The following ASTN2 variants were observed in gnomAD, a reference collection of about 807,000 sequenced individuals.
ASTN2 encodes the protein astrotactin-2.
Under a neutral mutation model 139.8 loss-of-function variants are expected in ASTN2, and 54 were observed. That is an observed-to-expected ratio of 0.39 (90% CI 0.31 to 0.48). The LOEUF (loss-of-function observed/expected upper bound fraction) is 0.48, where lower values mean the gene tolerates loss of function less well. ASTN2 is among the 20% of genes least tolerant of loss of function. The pLI is 0.95. For synonymous variants in ASTN2, 756 were observed against 719.5 expected, an observed-to-expected ratio of 1.05 and a Z score of -0.81; for missense variants, 1,565 against 1,725.1, an observed-to-expected ratio of 0.91 and a Z score of 1.64.
chr9:116,876,733 G>T (rs1445098484), intron 10 of ASTN2, among the ~76,000 whole-genome samples: 2 of 152,102 alleles, frequency 1.3e-5, no homozygotes, highest in Non-Finnish European at 2.9e-5. Context: ...ATGACCATTA[G>T]CTTTTTTTTA....
chr9:117,308,587 G>A (rs965992630), intron 1 of ASTN2, among the ~76,000 whole-genome samples: 4 of 152,152 alleles, frequency 2.6e-5, no homozygotes, highest in African/African-American at 9.7e-5. Context: ...CCCTGGAAGA[G>A]GCCAAGTGCA....
chr9:116,775,200 G>A (rs1588282789), intron 13 of ASTN2, among the ~76,000 whole-genome samples: 1 of 151,974 alleles, frequency 6.6e-6, no homozygotes, highest in Non-Finnish European at 1.5e-5. Flanking sequence ...CGATTCCACT[G>A]AGTCCCTCAG....
At chr9:117,288,511 G>A (rs1261038402) in intron 2 of ASTN2, among the ~76,000 whole-genome samples, 1 of 152,170 alleles carries the variant, frequency 6.6e-6, no homozygotes, top group South Asian at 2.1e-4. Context: ...GCAGGGTCAG[G>A]GCCATGATGT....
At position 116,930,473 on chromosome 9, in the gene ASTN2, A is replaced by T. The variant is rs149736124; in HGVS notation, c.1889+44735T>A. Among the ~76,000 whole-genome samples, 195 of 152,262 alleles carry T rather than the reference A, an allele frequency of 1.3e-3. 2 individuals carry two copies. The highest frequency in any genetic ancestry group is 0.01 in the Middle Eastern group (3 of 294). On this transcript the variant is annotated intron_variant, in intron 10 of 22. Coordinates refer to ENST00000313400, the MANE Select transcript of ASTN2 (RefSeq NM_001365068.1). ...AGTGAAAAAAAGGGGATGGCACCCAAGATTGGGTACCCAAGAACTCTATAT... is the reference window on the plus strand; with the variant it reads ...AGTGAAAAAAAGGGGATGGCACCCATGATTGGGTACCCAAGAACTCTATAT...
chr9:117,375,858 C>A (rs371990768), intron 1 of ASTN2, among the ~76,000 whole-genome samples: 1 of 152,072 alleles, frequency 6.6e-6, no homozygotes, highest in Non-Finnish European at 1.5e-5. Context: ...TTGGGGATAG[C>A]CCCTTTCCTT....
intron 4 of ASTN2, among the ~76,000 whole-genome samples, chr9:117,138,456 G>C (rs2132852310): frequency 6.6e-6 from 1 of 152,332 alleles, no homozygotes; most frequent in East Asian, 1.9e-4. Context: ...TGGAGCACAA[G>C]GAAGTGCAGA....
intron 13 of ASTN2, among the ~76,000 whole-genome samples, chr9:116,768,940 T>C (rs1169420337): frequency 6.6e-6 from 1 of 152,210 alleles, no homozygotes; most frequent in African/African-American, 2.4e-5. Flanking sequence ...ACTAAATGGG[T>C]AAGTTTGGGA....
At chr9:117,072,142 A>C (rs1217352224) in intron 5 of ASTN2, among the ~76,000 whole-genome samples, 1 of 152,200 alleles carries the variant, frequency 6.6e-6, no homozygotes, top group South Asian at 2.1e-4. Flanking sequence ...TAAACACTAC[A>C]TTATGCAGAA....
intron 1 of ASTN2, among the ~76,000 whole-genome samples, chr9:117,361,196 A>G (rs1236364236): frequency 6.6e-6 from 1 of 152,210 alleles, no homozygotes; most frequent in Non-Finnish European, 1.5e-5. Context: ...TTGTGAAAAG[A>G]CAAAAGAAGT....
At chr9:117,308,624 C>T (rs1339699642) in intron 1 of ASTN2, among the ~76,000 whole-genome samples, 1 of 152,006 alleles carries the variant, frequency 6.6e-6, no homozygotes, top group African/African-American at 2.4e-5. Context: ...CCAGGCTGAT[C>T]AAGGAACAGG....
chr9:116,660,754 G>A (rs921045531), intron 16 of ASTN2, among the ~76,000 whole-genome samples: 4 of 152,160 alleles, frequency 2.6e-5, no homozygotes, highest in Non-Finnish European at 5.9e-5. Context: ...AATTGAATGC[G>A]TAAGTCCAAA....
At chr9:117,354,870 C>A (rs1373038233) in intron 1 of ASTN2, among the ~76,000 whole-genome samples, 4 of 152,210 alleles carry the variant, frequency 2.6e-5, no homozygotes, top group African/African-American at 9.7e-5. Flanking sequence ...AATCCCCAGA[C>A]TAAAATAAAT....
intron 16 of ASTN2, among the ~76,000 whole-genome samples, chr9:116,712,033 G>C (rs938772521): frequency 6.6e-6 from 1 of 152,080 alleles, no homozygotes; most frequent in Non-Finnish European, 1.5e-5. Context: ...CCTAGCAAAG[G>C]TACAACTTTC....
At chr9:117,144,414 C>T (rs1056773605) in intron 3 of ASTN2, among the ~76,000 whole-genome samples, 7 of 152,206 alleles carry the variant, frequency 4.6e-5, no homozygotes, top group African/African-American at 1.7e-4. Flanking sequence ...CTTGTCCAAC[C>T]TGCGGCCCAG....
chr9:116,946,755 A>G (rs1289664296), intron 10 of ASTN2, among the ~76,000 whole-genome samples: 2 of 152,032 alleles, frequency 1.3e-5, no homozygotes, highest in Non-Finnish European at 2.9e-5. Context: ...GGAAGGATGC[A>G]GGGCAGGAAA....
chr9:116,976,906 A>C (rs1306064816), intron 7 of ASTN2, 121 bp from the exon 8 acceptor site: 3 of 768,954 alleles, frequency 3.9e-6, no homozygotes, highest in Non-Finnish European at 6.4e-6. Flanking sequence ...AGGCACATGG[A>C]AAGAGGGTAA....
intron 20 of ASTN2, among the ~76,000 whole-genome samples, chr9:116,459,390 A>G (rs1427308152): frequency 1.3e-5 from 2 of 152,100 alleles, no homozygotes; most frequent in Non-Finnish European, 2.9e-5. Flanking sequence ...AGCATAAGCA[A>G]ACAAAAAACA....
At chr9:116,843,681 G>A (rs1832341176) in intron 11 of ASTN2, among the ~76,000 whole-genome samples, 1 of 150,760 alleles carries the variant, frequency 6.6e-6, no homozygotes, top group Middle Eastern at 3.2e-3. Flanking sequence ...AAAAAAGTGG[G>A]AGCTATATAT....
intron 1 of ASTN2, among the ~76,000 whole-genome samples, chr9:117,320,569 C>T (rs912962316): frequency 1.3e-5 from 2 of 152,162 alleles, no homozygotes; most frequent in Non-Finnish European, 2.9e-5. Flanking sequence ...AGTTGAACTT[C>T]ATATCCCAAG....
Sources: allele counts gnomAD v4.1 joint callset (sites outside exome capture counted in the v4.1 genomes callset), GRCh38; gene constraint gnomAD v4.1.1; transcripts MANE v1.5; gene names NCBI Gene and HGNC (gene_info 2026-07-23, HGNC 2026-07-21).